The following SLC5A7 variants were observed in gnomAD, a reference collection of about 807,000 sequenced individuals.
The protein encoded by SLC5A7 is high affinity choline transporter 1.
Under a neutral mutation model 55.4 loss-of-function variants are expected in SLC5A7, and 19 were observed. That is an observed-to-expected ratio of 0.34 (90% CI 0.24 to 0.50). SLC5A7 has a LOEUF of 0.50. SLC5A7 is among the 20% of genes least tolerant of loss of function. The pLI is 0.98. For missense variants in SLC5A7, 506 were observed against 705.3 expected, an observed-to-expected ratio of 0.72 and a Z score of 3.20; for synonymous variants, 265 against 263.7, an observed-to-expected ratio of 1.00 and a Z score of -0.05.
chr2:108,008,419 A>T (rs1393985097), intron 7 of SLC5A7, 46 bp from the exon 8 acceptor site: 2 of 1,507,234 alleles, frequency 1.3e-6, no homozygotes, highest in Non-Finnish European at 1.8e-6. Context: ...GATAAAGAAC[A>T]TTTGGTTCCT....
In SLC5A7 at chr2:108,012,907, C is replaced by T. The variant is rs2104388480; in HGVS notation, c.*2046C>T. The T allele has an allele frequency of 6.6e-6, 1 of 152,212 alleles. No homozygotes were observed. 9.4% of individuals were successfully genotyped at this position (152,212 alleles called of 1,614,324 possible). A position where few individuals can be genotyped will look rare whatever the true frequency, so the allele number is the denominator to read the frequency against. On this transcript the variant is annotated 3_prime_UTR_variant, in exon 9 of 9. Coordinates refer to ENST00000264047, the MANE Select transcript of SLC5A7 (RefSeq NM_021815.5). ...GCAAACACCATTATTCCAGATGCAC[C>T]ATGCTACCCAGCATGCTACCTGAAT... is the stretch of plus-strand genomic sequence containing the variant.
chr2:108,006,339 G>A, intron 7 of SLC5A7, 137 bp downstream of exon 7: 1 of 845,082 alleles, frequency 1.2e-6, no homozygotes, highest in Non-Finnish European at 1.8e-6. Context: ...ATTTGTTATA[G>A]CATTCAGTAA....
intron 6 of SLC5A7, among the ~76,000 whole-genome samples, chr2:108,003,724 C>A (rs1451194955): frequency 6.6e-6 from 1 of 152,216 alleles, no homozygotes; most frequent in Non-Finnish European, 1.5e-5. Context: ...CCACTCATCT[C>A]TCTGATGGCA....
intron 5 of SLC5A7, 42 bp from the exon 6 acceptor site, chr2:108,001,855 G>A (rs1177096411): frequency 1.2e-6 from 2 of 1,609,160 alleles, no homozygotes; most frequent in Non-Finnish European, 1.7e-6. Context: ...TCAGACAGTT[G>A]AAAACCATCG....
At chr2:108,008,372 T>C in intron 7 of SLC5A7, 93 bp from the exon 8 acceptor site, 1 of 934,358 alleles carries the variant, frequency 1.1e-6, no homozygotes, top group Non-Finnish European at 1.6e-6. Context: ...TCTGAGTTTA[T>C]TTCAAAACAA....
Position 107,991,485 on chromosome 2 carries a change from C to CT in SLC5A7, c.179-619dup, listed in dbSNP as rs533811294. Among the ~76,000 whole-genome samples the CT allele has an allele frequency of 9.9e-5, 15 of 152,188 alleles. No individual in the cohort carries two copies. The East Asian group carries it at 2.9e-3, about 29-fold the overall frequency. ...TAATAACTTAAGGTAGTAAGTACAA[C>CT]TTAGTGGTGATGGAGATAAGATTTG... On this transcript the variant is annotated intron_variant, in intron 2 of 8. Transcript: ENST00000264047.
At position 108,010,273 on chromosome 2, in the gene SLC5A7, G is replaced by A; in HGVS notation, c.1155G>A (p.Val385=). The A allele has an allele frequency of 6.2e-7, 1 of 1,613,896 alleles. No homozygotes were observed. Among genetic ancestry groups the A allele is most frequent in the South Asian group, 1.1e-5 (1 of 91,062 alleles). The part of the protein sequence containing the change: ...KEIVWVMRIT[V]FVFGASATAM... ...TCGTTTGGGTTATGCGAATCACAGT[G>A]TTTGTGTTTGGAGCATCTGCAACAG... The change falls in exon 9 of 9, where the codon GTG becomes GTA. Residue 385 remains valine (V), a synonymous_variant. Coordinates refer to ENST00000264047, the MANE Select transcript of SLC5A7 (RefSeq NM_021815.5).
Position 108,012,163 on chromosome 2 carries a change from A to ATG in SLC5A7, c.*1302_*1303insTG, listed in dbSNP as rs144734468. On this transcript the variant is annotated 3_prime_UTR_variant, in exon 9 of 9. Transcript: ENST00000264047. ...TCTGGTGTTACACATACACACTCAT[A>ATG]CGTGTGTGTGTGTGTATGTGTGTGT... The ATG allele has an allele frequency of 0.047, 7,189 of 152,358 alleles. 294 individuals are homozygous for ATG. Among genetic ancestry groups the ATG allele is most frequent in the Admixed American group, 0.14 (2,200 of 15,222 alleles). The allele number at this position is 152,358 out of a possible 1,614,324, so 9.4% of individuals were successfully genotyped here. A position where few individuals can be genotyped will look rare whatever the true frequency, so the allele number is the denominator to read the frequency against.
chr2:107,995,567 C>T (rs79496535), intron 4 of SLC5A7, among the ~76,000 whole-genome samples: 2,226 of 151,578 alleles, frequency 0.015, 23 homozygotes, highest in Non-Finnish European at 0.021. Context: ...TAAACTTCAC[C>T]ACTATGCAGT....
Position 107,988,337 on chromosome 2 carries a change from C to A in SLC5A7, c.178+4C>A. 1 of 1,605,860 alleles carries A rather than the reference C, an allele frequency of 6.2e-7. No homozygotes were observed. The highest frequency in any genetic ancestry group is 8.5e-7 in the Non-Finnish European group (1 of 1,173,510). ...GTTGGTGGATTTACCATGACAGGTA[C>A]GTTCAGACGCCGCCGGCTCCATGCA... On this transcript the variant is annotated splice_donor_region_variant and intron_variant, in intron 2 of 8. Coordinates refer to ENST00000264047, the MANE Select transcript of SLC5A7 (RefSeq NM_021815.5).
At position 108,008,448 on chromosome 2, in the gene SLC5A7, T is replaced by C. The variant is rs373224503; in HGVS notation, c.896-17T>C. ...GGTTCCTTGGTGGTTATAATGGTTG[T>C]TGATTCTGTTCAACAGACTGGAACC... On this transcript the variant is annotated splice_polypyrimidine_tract_variant and intron_variant, in intron 7 of 8. Transcript: ENST00000264047. The C allele has an allele frequency of 6.2e-6, 10 of 1,604,916 alleles. No individual in the cohort carries two copies. Among genetic ancestry groups the C allele is most frequent in the Non-Finnish European group, 8.5e-6 (10 of 1,173,438 alleles).
At chr2:107,994,233 A>G (rs1677568855) in intron 4 of SLC5A7, among the ~76,000 whole-genome samples, 1 of 152,130 alleles carries the variant, frequency 6.6e-6, no homozygotes, top group Non-Finnish European at 1.5e-5. Context: ...TGCCAACTAT[A>G]AAAAAGAGTG....
chr2:107,990,280 A>G (rs1377377973), intron 2 of SLC5A7, among the ~76,000 whole-genome samples: 2 of 152,220 alleles, frequency 1.3e-5, no homozygotes, highest in African/African-American at 4.8e-5. Flanking sequence ...CTTCTATATC[A>G]CAATAGTTGC....
At chr2:108,001,612 G>A (rs2104363183) in intron 5 of SLC5A7, among the ~76,000 whole-genome samples, 1 of 145,984 alleles carries the variant, frequency 6.9e-6, no homozygotes, top group Middle Eastern at 3.7e-3. Flanking sequence ...GGCGGAGCTT[G>A]CAGTGAGCCG....
chr2:108,009,509 G>A (rs1678236628), intron 8 of SLC5A7, among the ~76,000 whole-genome samples: 1 of 151,900 alleles, frequency 6.6e-6, no homozygotes, highest in Non-Finnish European at 1.5e-5. Flanking sequence ...CTCCCTCCCT[G>A]TATCCATGTG....
Position 108,012,100 on chromosome 2 carries a change from T to A in SLC5A7, c.*1239T>A, listed in dbSNP as rs1033062355. ...TTTAACATTTGATGTCTAGATAACA[T>A]TCATGAGATTGGTCATTAAATACTA... On this transcript the variant is annotated 3_prime_UTR_variant, in exon 9 of 9. Transcript: ENST00000264047. The A allele has an allele frequency of 6.6e-6, 1 of 152,560 alleles. No individual in the cohort carries two copies. Among genetic ancestry groups the A allele is most frequent in the African/African-American group, 2.4e-5 (1 of 41,444 alleles). The allele number at this position is 152,560 out of a possible 1,614,324, so 9.5% of individuals were successfully genotyped here.
At chr2:107,995,290 G>T (rs148185318) in intron 4 of SLC5A7, among the ~76,000 whole-genome samples, 12 of 152,236 alleles carry the variant, frequency 7.9e-5, no homozygotes, top group Middle Eastern at 6.8e-3. Flanking sequence ...GATTTTATGA[G>T]AATTTATGTA....
At chr2:107,996,212 G>A (rs1452541267) in intron 4 of SLC5A7, among the ~76,000 whole-genome samples, 8 of 151,990 alleles carry the variant, frequency 5.3e-5, no homozygotes, top group South Asian at 2.1e-4. Flanking sequence ...GTTTCGATTC[G>A]AAGTAAATGA....
intron 4 of SLC5A7, among the ~76,000 whole-genome samples, chr2:107,993,635 C>T (rs1432013100): frequency 6.6e-6 from 1 of 152,174 alleles, no homozygotes; most frequent in Non-Finnish European, 1.5e-5. Flanking sequence ...CTAATAACTG[C>T]CATGTTAATT....
Sources: allele counts gnomAD v4.1 joint callset (sites outside exome capture counted in the v4.1 genomes callset), GRCh38; gene constraint gnomAD v4.1.1; transcripts MANE v1.5; gene names NCBI Gene and HGNC (gene_info 2026-07-23, HGNC 2026-07-21).